Variants in NAV2 observed in about 807,000 individuals in gnomAD.
The protein encoded by NAV2 is helicase, APC down-regulated 1.
Under a neutral mutation model 223.2 loss-of-function variants are expected in NAV2, and 54 were observed. That is an observed-to-expected ratio of 0.24 (90% CI 0.19 to 0.30). The LOEUF is 0.30. Ranked by LOEUF, NAV2 falls within the 10% of genes least tolerant of loss-of-function variation. NAV2 has a pLI of 1.00. For synonymous variants in NAV2, 1,279 were observed against 1,239.3 expected (o/e 1.03, Z -0.67); for missense variants, 2,806 against 3,147.5 (o/e 0.89, Z 2.60).
intron 10 of NAV2, among the ~76,000 whole-genome samples, chr11:19,949,600 G>A (rs1041905162): frequency 8.5e-5 from 13 of 152,192 alleles, no homozygotes; most frequent in Admixed American, 8.5e-4. Flanking sequence ...CTCCTTGGAG[G>A]GGCCCTCCTT....
chr11:19,668,685 T>C (rs921750676), intron 1 of NAV2, among the ~76,000 whole-genome samples: 3 of 152,068 alleles, frequency 2.0e-5, no homozygotes, highest in Non-Finnish European at 4.4e-5. Flanking sequence ...GACTCATCCT[T>C]TGTTTCAAGG....
Position 19,419,715 on chromosome 11 carries a change from G to A in NAV2, c.75+68688G>A, listed in dbSNP as rs539458069. 2.6e-5 allele frequency among the ~76,000 whole-genome samples: 4 copies of A among 152,288 alleles called. No individual in the cohort carries two copies. In the South Asian group the frequency reaches 6.2e-4, roughly 24 times the overall value. On this transcript the variant is annotated intron_variant, in intron 1 of 37. Transcript: ENST00000360655. ...AAACCAGTCCACCATAATGAAACTG[G>A]AAGGAACATCAGAGATCCTGCAGTT... is the stretch of plus-strand genomic sequence containing the variant.
intron 1 of NAV2, among the ~76,000 whole-genome samples, chr11:19,627,790 G>T (rs1030697301): frequency 6.6e-6 from 1 of 151,776 alleles, no homozygotes. Flanking sequence ...GTTGGGCCCC[G>T]CCTGCAAAGT....
intron 1 of NAV2, among the ~76,000 whole-genome samples, chr11:19,822,564 T>A (rs1231620088): frequency 6.6e-6 from 1 of 152,196 alleles, no homozygotes; most frequent in Non-Finnish European, 1.5e-5. Flanking sequence ...CCACTCTTGC[T>A]GGTCACTTGC....
intron 14 of NAV2, 42 bp downstream of exon 14, chr11:20,045,712 A>G (rs778018092): frequency 1.3e-6 from 2 of 1,483,458 alleles, no homozygotes; most frequent in Admixed American, 1.8e-5. Flanking sequence ...ACCAGAATAC[A>G]GGGAATGGAT....
intron 1 of NAV2, among the ~76,000 whole-genome samples, chr11:19,682,174 T>A (rs1383232919): frequency 2.6e-5 from 4 of 152,096 alleles, no homozygotes; most frequent in Non-Finnish European, 4.4e-5. Flanking sequence ...TGTTGACTTA[T>A]GTAGATTGAG....
intron 11 of NAV2, among the ~76,000 whole-genome samples, chr11:19,985,014 T>C (rs1330921358): frequency 2.0e-5 from 3 of 152,228 alleles, no homozygotes; most frequent in Non-Finnish European, 2.9e-5. Flanking sequence ...TTTAAGGATT[T>C]GCTGGAACAC....
intron 1 of NAV2, among the ~76,000 whole-genome samples, chr11:19,589,451 G>T (rs1178361979): frequency 6.6e-6 from 1 of 152,200 alleles, no homozygotes; most frequent in Non-Finnish European, 1.5e-5. Flanking sequence ...TTCTGCCTTG[G>T]AAGGGAGGTC....
intron 1 of NAV2, among the ~76,000 whole-genome samples, chr11:19,663,988 A>C (rs1286918944): frequency 1.3e-5 from 2 of 152,166 alleles, no homozygotes; most frequent in African/African-American, 4.8e-5. Context: ...CCAAGCCCAG[A>C]CCACAGCTTC....
At chr11:19,437,015 T>C (rs1013781630) in intron 1 of NAV2, among the ~76,000 whole-genome samples, 1 of 152,198 alleles carries the variant, frequency 6.6e-6, no homozygotes, top group Non-Finnish European at 1.5e-5. Flanking sequence ...TAAGATCATG[T>C]AGTCAGCAGA....
At chr11:19,390,229 T>C (rs1046291223) in intron 1 of NAV2, among the ~76,000 whole-genome samples, 10 of 152,260 alleles carry the variant, frequency 6.6e-5, no homozygotes, top group Admixed American at 3.9e-4. Flanking sequence ...TCTGGTCTCC[T>C]TGGACTTGTT....
chr11:19,810,048 G>A (rs1446041365), intron 1 of NAV2, among the ~76,000 whole-genome samples: 4 of 152,164 alleles, frequency 2.6e-5, no homozygotes, highest in African/African-American at 9.7e-5. Context: ...TTAACCTTGA[G>A]AGCAGAACAT....
At chr11:19,733,675 A>G (rs2052017783) in intron 1 of NAV2, among the ~76,000 whole-genome samples, 1 of 152,190 alleles carries the variant, frequency 6.6e-6, no homozygotes, top group African/African-American at 2.4e-5. Flanking sequence ...GGGAGAGGAA[A>G]GAGGGTTTTT....
chr11:20,021,940 A>C (rs2054545284), intron 11 of NAV2, among the ~76,000 whole-genome samples: 1 of 152,202 alleles, frequency 6.6e-6, no homozygotes, highest in South Asian at 2.1e-4. Flanking sequence ...TTTGCTGAGC[A>C]AATGCTGACC....
At chr11:20,067,973 C>T (rs781413212) in intron 20 of NAV2, among the ~76,000 whole-genome samples, 2 of 152,066 alleles carry the variant, frequency 1.3e-5, no homozygotes, top group African/African-American at 2.4e-5. Flanking sequence ...TGTTCTCATT[C>T]TTCCTAATTT....
At chr11:19,966,386 A>G (rs1164392765) in intron 10 of NAV2, among the ~76,000 whole-genome samples, 1 of 152,150 alleles carries the variant, frequency 6.6e-6, no homozygotes, top group Non-Finnish European at 1.5e-5. Flanking sequence ...TACATTATGT[A>G]TCCCCAGTGC....
intron 1 of NAV2, among the ~76,000 whole-genome samples, chr11:19,443,168 T>A (rs1056054687): frequency 6.6e-6 from 1 of 152,214 alleles, no homozygotes; most frequent in Non-Finnish European, 1.5e-5. Context: ...TATGGCAGCA[T>A]CCTTGCTAGA....
intron 1 of NAV2, among the ~76,000 whole-genome samples, chr11:19,364,167 C>T (rs2133811523): frequency 6.6e-6 from 1 of 152,300 alleles, no homozygotes; most frequent in South Asian, 2.1e-4. Flanking sequence ...AGAGTCACCT[C>T]CTTAACATAA....
At chr11:19,929,280 G>A (rs1008575458) in intron 6 of NAV2, among the ~76,000 whole-genome samples, 2 of 152,040 alleles carry the variant, frequency 1.3e-5, no homozygotes, top group African/African-American at 4.8e-5. Context: ...AACAGACAAA[G>A]GGAGGAACAG....
Sources: allele counts gnomAD v4.1 joint callset (sites outside exome capture counted in the v4.1 genomes callset), GRCh38; gene constraint gnomAD v4.1.1; transcripts MANE v1.5; gene names NCBI Gene and HGNC (gene_info 2026-07-23, HGNC 2026-07-21).